The following MAS1 variants were observed in gnomAD, a reference collection of about 807,000 sequenced individuals.
MAS1 encodes MAS1 proto-oncogene, G protein-coupled receptor, also known as proto-oncogene Mas.
For synonymous variants in MAS1, 163 were observed against 164.2 expected (o/e 0.99, Z 0.05); for missense variants, 387 against 409.7 (o/e 0.94, Z 0.48).
chr6:159,905,728 A>G (rs967809005), intron 2 of MAS1, among the ~76,000 whole-genome samples: 1 of 152,218 alleles, frequency 6.6e-6, no homozygotes, highest in Non-Finnish European at 1.5e-5. Flanking sequence ...AGGAAAAGAC[A>G]GATATCTATT....
Position 159,913,721 on chromosome 6 carries a change from G to A in MAS1, c.*5788G>A, listed in dbSNP as rs1005269238. ...CTAAAGGCCAAAAATCAGCTATTGG[G>A]GTCTCATTTGCTTAAAATTATTGGC... On this transcript the variant is annotated 3_prime_UTR_variant, in exon 3 of 3. Coordinates refer to ENST00000674077, the MANE Select transcript of MAS1 (RefSeq NM_002377.4). 2 of 152,078 alleles carry A rather than the reference G, an allele frequency of 1.3e-5. No homozygotes were observed. The highest frequency in any genetic ancestry group is 4.8e-5 in the African/African-American group (2 of 41,398). 9.4% of individuals were successfully genotyped at this position (152,078 alleles called of 1,614,324 possible). A position where few individuals can be genotyped will look rare whatever the true frequency, so the allele number is the denominator to read the frequency against.
At chr6:159,892,813 A>G (rs1344430577) in intron 1 of MAS1, among the ~76,000 whole-genome samples, 1 of 152,148 alleles carries the variant, frequency 6.6e-6, no homozygotes, top group East Asian at 1.9e-4. Context: ...TTGATTCATT[A>G]TCTCAGTTTG....
upstream of MAS1, among the ~76,000 whole-genome samples, chr6:159,890,556 C>A (rs1782684999): frequency 6.6e-6 from 1 of 152,210 alleles, no homozygotes; most frequent in African/African-American, 2.4e-5. Context: ...ACTATCTAGC[C>A]ATGTGTCTCC....
chr6:159,895,177 G>T (rs919307701), intron 1 of MAS1, among the ~76,000 whole-genome samples: 13 of 152,200 alleles, frequency 8.5e-5, no homozygotes, highest in Admixed American at 6.5e-4. Context: ...ATGAGCTGGT[G>T]TGTGTGTATG....
chr6:159,896,858 T>G (rs529806524), intron 1 of MAS1, among the ~76,000 whole-genome samples: 14 of 151,010 alleles, frequency 9.3e-5, no homozygotes, highest in Non-Finnish European at 1.3e-4. Context: ...GACTGGGTTT[T>G]TTTGTTTGTT....
chr6:159,891,319 C>T (rs1184563706), intron 1 of MAS1, among the ~76,000 whole-genome samples, 186 bp downstream of exon 1: 1 of 152,278 alleles, frequency 6.6e-6, no homozygotes, highest in South Asian at 2.1e-4. Context: ...TTCCTCCTGC[C>T]TTTGTTTTGG....
At chr6:159,895,712 G>A (rs1202337747) in intron 1 of MAS1, among the ~76,000 whole-genome samples, 1 of 152,100 alleles carries the variant, frequency 6.6e-6, no homozygotes, top group Non-Finnish European at 1.5e-5. Context: ...AGAAACTGAA[G>A]ATGTTGTAGA....
At chr6:159,894,159 A>G (rs1782729126) in intron 1 of MAS1, among the ~76,000 whole-genome samples, 1 of 152,124 alleles carries the variant, frequency 6.6e-6, no homozygotes, top group African/African-American at 2.4e-5. Context: ...GTGGGATTGA[A>G]CAAGACCACC....
Position 159,914,129 on chromosome 6 carries a change from T to C in MAS1, c.*6196T>C, listed in dbSNP as rs1225569511. On this transcript the variant is annotated 3_prime_UTR_variant, in exon 3 of 3. Transcript: ENST00000674077. ...GTTTTTTTGGTCAAATTTCTCATGT[T>C]GCTTCTAGATTGTTTTCCAAATGTC... The C allele has an allele frequency of 6.6e-6, 1 of 152,262 alleles. No homozygotes were observed. Among genetic ancestry groups the C allele is most frequent in the East Asian group, 1.9e-4 (1 of 5,204 alleles). 9.4% of individuals were successfully genotyped at this position (152,262 alleles called of 1,614,324 possible). A position where few individuals can be genotyped will look rare whatever the true frequency, so the allele number is the denominator to read the frequency against.
intron 2 of MAS1, among the ~76,000 whole-genome samples, chr6:159,905,877 A>G (rs2115117227): frequency 6.6e-6 from 1 of 152,180 alleles, no homozygotes; most frequent in Non-Finnish European, 1.5e-5. Flanking sequence ...CCCCGTCTCT[A>G]CTAAAATACA....
In MAS1 at chr6:159,906,974, A is replaced by G; in HGVS notation, c.19A>G (p.Thr7Ala). 1 of 1,606,590 alleles carries G rather than the reference A, an allele frequency of 6.2e-7. No homozygotes were observed. MDGSNV[T>A]SFVVEEPTNI... ...CCTCCTCATGGATGGGTCAAACGTG[A>G]CATCATTTGTTGTTGAGGAACCCAC... Residue 7 changes from threonine to alanine, a missense_variant, in exon 3 of 3, where the codon ACA (threonine) becomes GCA (alanine). By Grantham distance (58) the Thr-to-Ala change is moderately conservative (BLOSUM62 0). Coordinates refer to ENST00000674077, the MANE Select transcript of MAS1 (RefSeq NM_002377.4).
At chr6:159,901,783 G>T (rs1173642415) in intron 2 of MAS1, among the ~76,000 whole-genome samples, 2 of 150,866 alleles carry the variant, frequency 1.3e-5, no homozygotes, top group African/African-American at 4.9e-5. Context: ...GAGCCCAGGA[G>T]TTCAACCTGC....
rs1218511571 is a variant in MAS1 at position 159,916,769 on chromosome 6, G to A, written c.*8836G>A. On this transcript the variant is annotated 3_prime_UTR_variant, in exon 3 of 3. Coordinates refer to ENST00000674077, the MANE Select transcript of MAS1 (RefSeq NM_002377.4). ...AGACTCCCCTGATTCCAATGAAGCT[G>A]CTGTTGAGGGCCGGATAGCAGCCAC... Among the ~76,000 whole-genome samples the A allele has an allele frequency of 2.0e-5, 3 of 152,220 alleles. No homozygotes were observed. Among genetic ancestry groups the A allele is most frequent in the African/African-American group, 7.2e-5 (3 of 41,456 alleles).
rs1429796306 is a variant in MAS1, at chr6:159,912,481, G to A, written c.*4548G>A. ...TGCTGAATGAGATGGTGAGGAGTGG[G>A]TGGTAGAAGTGAAGAAAGGAGGAGG... On this transcript the variant is annotated 3_prime_UTR_variant, in exon 3 of 3. Coordinates refer to ENST00000674077, the MANE Select transcript of MAS1 (RefSeq NM_002377.4). The A allele has an allele frequency of 1.3e-5, 2 of 152,198 alleles. No homozygotes were observed. The highest frequency in any genetic ancestry group is 2.4e-5 in the African/African-American group (1 of 41,436). The allele number at this position is 152,198 out of a possible 1,614,324, so 9.4% of individuals were successfully genotyped here. A position where few individuals can be genotyped will look rare whatever the true frequency, so the allele number is the denominator to read the frequency against.
At chr6:159,898,613 C>CT (rs1782784242) in intron 1 of MAS1, among the ~76,000 whole-genome samples, 1 of 6,282 alleles carries the variant, frequency 1.6e-4, no homozygotes, top group East Asian at 4.1e-3. Context: ...TCTTCCTCCT[C>CT]CTTCCTCCTC....
At chr6:159,906,103 GT>G (rs1782882713) in intron 2 of MAS1, among the ~76,000 whole-genome samples, 1 of 152,082 alleles carries the variant, frequency 6.6e-6, no homozygotes, top group Non-Finnish European at 1.5e-5. Context: ...AAAGAACAAT[GT>G]TTTACTACAT....
In MAS1 at chr6:159,906,787, A is replaced by G. The variant is rs149190217; in HGVS notation, c.-36-133A>G. Reference sequence around the variant, plus strand: ...GCCTAATCTTATCATTGTGACAAAGATAACTGTAGAGTCTGTTAAACTTTT... The same window carrying G: ...GCCTAATCTTATCATTGTGACAAAGGTAACTGTAGAGTCTGTTAAACTTTT... On this transcript the variant is annotated intron_variant, in intron 2 of 2. Coordinates refer to ENST00000674077, the MANE Select transcript of MAS1 (RefSeq NM_002377.4). 2.6e-5 allele frequency: 17 copies of G among 664,994 alleles called. No homozygotes were observed. The East Asian group carries it at 4.8e-4, about 19-fold the overall frequency. 41.2% of individuals were successfully genotyped at this position (664,994 alleles called of 1,614,324 possible).
At chr6:159,899,583 A>C (rs1180177332) in intron 2 of MAS1, among the ~76,000 whole-genome samples, 191 bp downstream of exon 2, 4 of 152,074 alleles carry the variant, frequency 2.6e-5, no homozygotes, top group African/African-American at 9.7e-5. Context: ...CAACAACGAC[A>C]ACAAAAATTA....
chr6:159,889,871 A>G (rs1339903851), upstream of MAS1, among the ~76,000 whole-genome samples: 2 of 152,110 alleles, frequency 1.3e-5, no homozygotes, highest in African/African-American at 2.4e-5. Context: ...GCTTCCCACA[A>G]GAGTAGTTTG....
Sources: allele counts gnomAD v4.1 joint callset (sites outside exome capture counted in the v4.1 genomes callset), GRCh38; gene constraint gnomAD v4.1.1; transcripts MANE v1.5; gene names NCBI Gene and HGNC (gene_info 2026-07-23, HGNC 2026-07-21).